LEKR1: variants seen among roughly 807,000 people sequenced by gnomAD.
LEKR1 encodes protein LEKR1.
A neutral mutation model predicts 72.4 loss-of-function variants in LEKR1; 59 were observed. The observed-to-expected ratio is 0.82, with a 90% confidence interval of 0.66 to 1.01. The LOEUF is 1.01. Among genes scored for constraint, LEKR1 ranks in the 50% least tolerant of loss-of-function variants. The pLI, the probability that LEKR1 is intolerant of heterozygous loss-of-function variation, is 0.00. For synonymous variants in LEKR1, 257 were observed against 263.2 expected, an observed-to-expected ratio of 0.98 and a Z score of 0.23; for missense variants, 728 against 759.2, an observed-to-expected ratio of 0.96 and a Z score of 0.48.
At chr3:156,897,171 A>C (rs1721280536) in intron 3 of LEKR1, among the ~76,000 whole-genome samples, 1 of 152,178 alleles carries the variant, frequency 6.6e-6, no homozygotes, top group Non-Finnish European at 1.5e-5. Context: ...CATATAACAA[A>C]CCTGTATATG....
chr3:156,992,525 T>A, intron 7 of LEKR1, 128 bp from the exon 8 acceptor site: 1 of 193,838 alleles, frequency 5.2e-6, no homozygotes, highest in South Asian at 9.0e-5. Context: ...TGAATGTTTA[T>A]TTCTTTAAAC....
At chr3:156,970,102 G>A (rs1041941662) in intron 6 of LEKR1, among the ~76,000 whole-genome samples, 1 of 152,162 alleles carries the variant, frequency 6.6e-6, no homozygotes, top group Non-Finnish European at 1.5e-5. Context: ...CAATAAATTA[G>A]GTATTGATGG....
At chr3:156,921,401 A>T (rs182931300) in intron 4 of LEKR1, among the ~76,000 whole-genome samples, 3 of 152,174 alleles carry the variant, frequency 2.0e-5, no homozygotes, top group Admixed American at 1.3e-4. Flanking sequence ...AATTATTACC[A>T]GGAATATTCT....
intron 3 of LEKR1, among the ~76,000 whole-genome samples, chr3:156,858,353 TAATC>T (rs1424620550): frequency 6.6e-6 from 1 of 152,120 alleles, no homozygotes; most frequent in Admixed American, 6.5e-5. Flanking sequence ...TTGTTTAAAT[TAATC>T]AAATATGTTC....
Position 157,017,034 on chromosome 3 carries a change from A to G in LEKR1, c.1203+5528A>G, listed in dbSNP as rs573480194. On this transcript the variant is annotated intron_variant, in intron 10 of 12. Coordinates refer to ENST00000356539, the MANE Select transcript of LEKR1 (RefSeq NM_001004316.3). Reference sequence around the variant, plus strand: ...AGATAGTAGATTTAAAGCTAATTATATCAATAATCACATTAAATGGAAATG... The same window carrying G: ...AGATAGTAGATTTAAAGCTAATTATGTCAATAATCACATTAAATGGAAATG... 2.0e-5 allele frequency among the ~76,000 whole-genome samples: 3 copies of G among 152,380 alleles called. No homozygotes were observed. The East Asian group carries it at 5.8e-4, about 29-fold the overall frequency.
intron 12 of LEKR1, among the ~76,000 whole-genome samples, chr3:157,035,304 C>G (rs1734884178): frequency 6.6e-6 from 1 of 152,066 alleles, no homozygotes; most frequent in Non-Finnish European, 1.5e-5. Context: ...GAATTGAAAA[C>G]AAGGCTGTTT....
At chr3:156,875,104 C>T (rs898494937) in intron 3 of LEKR1, among the ~76,000 whole-genome samples, 2 of 152,182 alleles carry the variant, frequency 1.3e-5, no homozygotes, top group Admixed American at 1.3e-4. Flanking sequence ...TAAGGAATCT[C>T]CACACTGTTT....
chr3:156,950,510 C>A (rs1727057021), intron 6 of LEKR1, among the ~76,000 whole-genome samples: 1 of 151,340 alleles, frequency 6.6e-6, no homozygotes, highest in Non-Finnish European at 1.5e-5. Flanking sequence ...TCTCTAATTT[C>A]TTTGGGCAGT....
At chr3:156,955,237 G>A (rs1307412390) in intron 6 of LEKR1, among the ~76,000 whole-genome samples, 2 of 151,868 alleles carry the variant, frequency 1.3e-5, no homozygotes, top group African/African-American at 4.8e-5. Flanking sequence ...TTATCACCTT[G>A]AGAAGCTTTT....
intron 5 of LEKR1, among the ~76,000 whole-genome samples, chr3:156,939,075 A>G (rs1278564122): frequency 2.6e-5 from 4 of 152,204 alleles, no homozygotes; most frequent in African/African-American, 9.6e-5. Flanking sequence ...AATATTCTAA[A>G]ATATAGTGTG....
intron 3 of LEKR1, among the ~76,000 whole-genome samples, chr3:156,883,137 A>C (rs1025962910): frequency 2.0e-5 from 3 of 151,378 alleles, no homozygotes; most frequent in Non-Finnish European, 4.4e-5. Context: ...ATGTACCCTA[A>C]AACTTAAAGT....
At position 156,870,203 on chromosome 3, in the gene LEKR1, C is replaced by T. The variant is rs550639980; in HGVS notation, c.263+17221C>T. Among the ~76,000 whole-genome samples, 139 of 151,858 alleles carry T rather than the reference C, an allele frequency of 9.2e-4. 1 individual carries two copies. Among genetic ancestry groups the T allele is most frequent in the Admixed American group, 1.6e-3 (24 of 15,236 alleles). On this transcript the variant is annotated intron_variant, in intron 3 of 12. Transcript: ENST00000356539. Reference sequence around the variant, plus strand: ...GGCTTTTTGAACTCCCTTGGTTCCACGCAAATTTTAAGATTTTTTTCTATC... The same window carrying T: ...GGCTTTTTGAACTCCCTTGGTTCCATGCAAATTTTAAGATTTTTTTCTATC...
intron 5 of LEKR1, among the ~76,000 whole-genome samples, chr3:156,934,885 T>G (rs1018655331): frequency 3.3e-5 from 5 of 152,188 alleles, no homozygotes; most frequent in Non-Finnish European, 4.4e-5. Flanking sequence ...GACAGTATTT[T>G]ATTATAGGTA....
At chr3:157,045,316 T>C in intron 12 of LEKR1, 24 bp from the exon 13 acceptor site, 1 of 1,586,666 alleles carries the variant, frequency 6.3e-7, no homozygotes, top group Non-Finnish European at 8.6e-7. Context: ...TAAGTCTGCT[T>C]TCTTTTCCCC....
intron 2 of LEKR1, among the ~76,000 whole-genome samples, chr3:156,848,863 A>G (rs1187910530): frequency 2.0e-5 from 3 of 152,190 alleles, no homozygotes; most frequent in African/African-American, 7.2e-5. Context: ...GGCAATAACT[A>G]TGTCTAAGAC....
chr3:156,883,394 G>A (rs1011331626), intron 3 of LEKR1, among the ~76,000 whole-genome samples: 7 of 152,196 alleles, frequency 4.6e-5, no homozygotes, highest in Non-Finnish European at 7.3e-5. Context: ...GTGGACTTTT[G>A]AGTTAATGCT....
intron 6 of LEKR1, among the ~76,000 whole-genome samples, chr3:156,951,055 G>C (rs1458750891): frequency 2.6e-5 from 4 of 151,610 alleles, no homozygotes; most frequent in African/African-American, 7.3e-5. Flanking sequence ...TTAGTTTATT[G>C]AAAGTTTTTC....
chr3:156,979,777 G>A (rs1164541089), intron 7 of LEKR1: 1 of 152,220 alleles, frequency 6.6e-6, no homozygotes, highest in African/African-American at 2.4e-5. Context: ...AGAAAATGAT[G>A]TAAAATCAAG....
chr3:156,988,837 T>A (rs902246710), intron 7 of LEKR1: 15 of 153,262 alleles, frequency 9.8e-5, no homozygotes, highest in Admixed American at 6.5e-4. Context: ...TTTTGGGTTG[T>A]TTTTGTTTTT....
Sources: gnomAD v4.1 joint callset for allele counts (sites outside exome capture counted in the v4.1 genomes callset) on GRCh38, gnomAD v4.1.1 for gene constraint, MANE v1.5 for transcripts, NCBI Gene and HGNC (gene_info 2026-07-23, HGNC 2026-07-21) for gene names.